The following ALK variants were observed in gnomAD, a reference collection of about 807,000 sequenced individuals.
ALK encodes the protein ALK tyrosine kinase receptor.
Under a neutral mutation model 163.1 loss-of-function variants are expected in ALK, and 74 were observed. The observed-to-expected ratio is 0.45, with a 90% CI of 0.38 to 0.55. ALK has a LOEUF of 0.55. ALK is among the 20% of genes least tolerant of loss of function. The pLI is 0.00. For missense variants in ALK, 2,063 were observed against 2,105.3 expected (o/e 0.98, Z 0.39); for synonymous variants, 960 against 843.2 (o/e 1.14, Z -2.40).
At chr2:29,678,128 C>T (rs967531641) in intron 3 of ALK, among the ~76,000 whole-genome samples, 2 of 151,866 alleles carry the variant, frequency 1.3e-5, no homozygotes, top group Non-Finnish European at 2.9e-5. Context: ...CTTTTAAATT[C>T]TTTAGGGTCA....
Position 29,784,830 on chromosome 2 carries a change from T to C in ALK, c.668-67133A>G, listed in dbSNP as rs1182158418. Among the ~76,000 whole-genome samples, 7 of 152,292 alleles carry C rather than the reference T, an allele frequency of 4.6e-5. 2 individuals are homozygous for C. Among genetic ancestry groups the C allele is most frequent in the Admixed American group, 4.6e-4 (7 of 15,302 alleles). Reference sequence around the variant, plus strand: ...TTTGCACTATGTTATTACGTTATAGTGCCTCCTAAACCATTCTCCCTGTTG... The same window carrying C: ...TTTGCACTATGTTATTACGTTATAGCGCCTCCTAAACCATTCTCCCTGTTG... On this transcript the variant is annotated intron_variant, in intron 1 of 28. Transcript: ENST00000389048.
rs560231178 is a variant in ALK at position 29,352,102 on chromosome 2, G to A, written c.1283-23621C>T. 9.5e-4 allele frequency among the ~76,000 whole-genome samples: 144 copies of A among 152,212 alleles called. 1 individual carries two copies. Among genetic ancestry groups the A allele is most frequent in the African/African-American group, 2.5e-3 (105 of 41,510 alleles). ...TGGAGAGGCCACTGGGGTAGGAATC[G>A]GCCATCTGTGCTCCGCTTCAAGTTG... On this transcript the variant is annotated intron_variant, in intron 5 of 28. Transcript: ENST00000389048.
chr2:29,428,201 A>C (rs765701957), intron 4 of ALK, among the ~76,000 whole-genome samples: 2 of 152,026 alleles, frequency 1.3e-5, no homozygotes, highest in Non-Finnish European at 2.9e-5. Flanking sequence ...GAATAACCTC[A>C]CCACCCACCT....
In ALK at chr2:29,551,438, T is replaced by G. The variant is rs189726705; in HGVS notation, c.953-19322A>C. ...TAGGATATAATTTAATCCTGAACTATGCATGTGCTTGGTATTATTATTACT... is the reference window on the plus strand; with the variant it reads ...TAGGATATAATTTAATCCTGAACTAGGCATGTGCTTGGTATTATTATTACT... On this transcript the variant is annotated intron_variant, in intron 3 of 28. Coordinates refer to ENST00000389048, the MANE Select transcript of ALK (RefSeq NM_004304.5). 2.0e-5 allele frequency among the ~76,000 whole-genome samples: 3 copies of G among 152,300 alleles called. No homozygotes were observed. In the East Asian group the frequency reaches 5.8e-4, roughly 29 times the overall value.
In ALK at chr2:29,680,144, T is replaced by C. The variant is rs146113802; in HGVS notation, c.952+14706A>G. Among the ~76,000 whole-genome samples the C allele has an allele frequency of 4.4e-4, 67 of 152,114 alleles. No homozygotes were observed. In the East Asian group the frequency reaches 8.9e-3, roughly 20 times the overall value. On this transcript the variant is annotated intron_variant, in intron 3 of 28. Transcript: ENST00000389048. ...GTGGCATTTAACAATATGATGATGA[T>C]ATGTCTAGATGTAGATCTCATTGTA...
intron 3 of ALK, among the ~76,000 whole-genome samples, chr2:29,641,600 T>C (rs1039233515): frequency 6.6e-6 from 1 of 152,154 alleles, no homozygotes; most frequent in African/African-American, 2.4e-5. Flanking sequence ...ACATAATTGC[T>C]TAATAGCCAT....
chr2:29,906,498 G>A (rs143187993), intron 1 of ALK, among the ~76,000 whole-genome samples: 115 of 152,242 alleles, frequency 7.6e-4, no homozygotes, highest in African/African-American at 2.7e-3. Context: ...AGGATATGTG[G>A]GATAACTGAC....
intron 9 of ALK, among the ~76,000 whole-genome samples, chr2:29,281,765 A>G (rs915427271): frequency 1.2e-4 from 18 of 152,204 alleles, no homozygotes; most frequent in African/African-American, 3.6e-4. Flanking sequence ...CAAGTCTGGA[A>G]GGGCAGCTTC....
At chr2:29,590,652 A>G (rs984403296) in intron 3 of ALK, among the ~76,000 whole-genome samples, 3 of 151,864 alleles carry the variant, frequency 2.0e-5, no homozygotes, top group African/African-American at 4.8e-5. Flanking sequence ...GAATCCCCCC[A>G]TTACCCGTGA....
intron 1 of ALK, among the ~76,000 whole-genome samples, chr2:29,757,165 G>A (rs1242361384): frequency 6.6e-6 from 1 of 152,192 alleles, no homozygotes; most frequent in African/African-American, 2.4e-5. Context: ...CAGTGTCCAG[G>A]AATGGCCAGA....
At chr2:29,559,754 C>G (rs937958253) in intron 3 of ALK, among the ~76,000 whole-genome samples, 3 of 107,706 alleles carry the variant, frequency 2.8e-5, no homozygotes, top group African/African-American at 8.6e-5. Flanking sequence ...GTGTGGGTCA[C>G]AGGGGAGCAT....
At chr2:29,255,514 T>G (rs904923187) in intron 11 of ALK, among the ~76,000 whole-genome samples, 1 of 152,238 alleles carries the variant, frequency 6.6e-6, no homozygotes, top group Non-Finnish European at 1.5e-5. Flanking sequence ...ATTAGTCTTC[T>G]GCACCTCATT....
chr2:29,509,484 G>A (rs1454769049), intron 4 of ALK, among the ~76,000 whole-genome samples: 1 of 152,108 alleles, frequency 6.6e-6, no homozygotes, highest in Non-Finnish European at 1.5e-5. Flanking sequence ...TGAATATTAA[G>A]TCTGAAATCT....
At chr2:29,358,574 A>T (rs1668309766) in intron 5 of ALK, among the ~76,000 whole-genome samples, 2 of 152,220 alleles carry the variant, frequency 1.3e-5, no homozygotes, top group African/African-American at 4.8e-5. Flanking sequence ...CAAGTGCTGT[A>T]GAGGAGGCTT....
chr2:29,315,945 A>C (rs1666822582), intron 8 of ALK, among the ~76,000 whole-genome samples: 1 of 151,762 alleles, frequency 6.6e-6, no homozygotes, highest in Non-Finnish European at 1.5e-5. Context: ...TGTCCCCAAA[A>C]CTCTGCCTAG....
chr2:29,771,196 T>TAC (rs1018726591), intron 1 of ALK, among the ~76,000 whole-genome samples: 9 of 150,854 alleles, frequency 6.0e-5, no homozygotes, highest in Admixed American at 1.3e-4. Context: ...CGTACACAAA[T>TAC]ACACACACAC....
At chr2:29,225,367 G>A (rs568072233) in intron 19 of ALK, 94 bp downstream of exon 19, 24 of 1,164,100 alleles carry the variant, frequency 2.1e-5, no homozygotes, top group South Asian at 1.7e-4. Context: ...CTAGCATAAC[G>A]AAGTGACACC....
intron 1 of ALK, among the ~76,000 whole-genome samples, chr2:29,843,129 A>G (rs1665744673): frequency 6.6e-6 from 1 of 152,002 alleles, no homozygotes; most frequent in African/African-American, 2.4e-5. Context: ...CTTCAGTAAT[A>G]CCAATATTAG....
intron 4 of ALK, among the ~76,000 whole-genome samples, chr2:29,510,463 T>C (rs1243999534): frequency 6.6e-6 from 1 of 152,224 alleles, no homozygotes. Flanking sequence ...TAGGCTCAGT[T>C]CATCTTTTTT....
Sources: gnomAD v4.1 joint callset for allele counts (sites outside exome capture counted in the v4.1 genomes callset) on GRCh38, gnomAD v4.1.1 for gene constraint, MANE v1.5 for transcripts, NCBI Gene and HGNC (gene_info 2026-07-23, HGNC 2026-07-21) for gene names.